Variants in SEC11C observed in about 807,000 individuals in gnomAD.
SEC11C encodes the protein SEC11 homolog C, signal peptidase complex subunit, also known as signal peptidase complex catalytic subunit SEC11C.
SEC11C carries 10 observed loss-of-function variants against 21.9 expected under a neutral mutation model. That is an observed-to-expected ratio of 0.46 (90% CI 0.28 to 0.77). The LOEUF (loss-of-function observed/expected upper bound fraction) is 0.77. Ranked by LOEUF, SEC11C falls within the 30% of genes least tolerant of loss-of-function variation. SEC11C has a pLI of 0.12. For missense variants in SEC11C, 145 were observed against 244.5 expected (o/e 0.59, Z 2.71); for synonymous variants, 83 against 85.6 (o/e 0.97, Z 0.17).
Position 59,155,768 on chromosome 18 carries a change from A to T in SEC11C, c.428A>T (p.Asn143Ile). Reference protein sequence around the residue: ...DDRGLYKEGQNWLEKKDVVGR... With the variant: ...DDRGLYKEGQIWLEKKDVVGR... ...AGAGGCTTGTACAAAGAAGGCCAGAACTGGCTGGAAAAGAAGGACGTGGTG... is the reference window on the plus strand; with the variant it reads ...AGAGGCTTGTACAAAGAAGGCCAGATCTGGCTGGAAAAGAAGGACGTGGTG... The change falls in exon 4 of 6, where the codon AAC becomes ATC. Residue 143 changes from asparagine (N) to isoleucine (I), a missense_variant. Transcript: ENST00000587834. The T allele has an allele frequency of 1.2e-6, 2 of 1,614,094 alleles. No homozygotes were observed. Among genetic ancestry groups the T allele is most frequent in the Non-Finnish European group, 1.7e-6 (2 of 1,179,968 alleles).
chr18:59,140,551 T>G (rs1203895640), intron 1 of SEC11C, among the ~76,000 whole-genome samples: 1 of 152,158 alleles, frequency 6.6e-6, no homozygotes, highest in African/African-American at 2.4e-5. Flanking sequence ...TGACCGTGGG[T>G]CGGGACTAAA....
At chr18:59,153,529 C>T (rs902523962) in intron 3 of SEC11C, among the ~76,000 whole-genome samples, 1 of 152,010 alleles carries the variant, frequency 6.6e-6, no homozygotes, top group Non-Finnish European at 1.5e-5. Context: ...TTGTACATAT[C>T]TGGTATTAGA....
At chr18:59,146,039 T>C (rs1193924574) in intron 1 of SEC11C, among the ~76,000 whole-genome samples, 3 of 152,206 alleles carry the variant, frequency 2.0e-5, no homozygotes. Flanking sequence ...TGTCATGAAG[T>C]GGCGCATGAC....
intron 3 of SEC11C, 34 bp downstream of exon 3, chr18:59,152,719 T>C (rs776421739): frequency 1.3e-6 from 2 of 1,548,578 alleles, no homozygotes; most frequent in South Asian, 1.3e-5. Context: ...GGTTTTGTTA[T>C]GTAAATTTTT....
chr18:59,158,550 T>C, intron 5 of SEC11C, 82 bp from the exon 6 acceptor site: 1 of 1,073,202 alleles, frequency 9.3e-7, no homozygotes, highest in Non-Finnish European at 1.4e-6. Flanking sequence ...GCGCAGTATT[T>C]AACGGACTTC....
chr18:59,148,128 C>G (rs2069299791), intron 1 of SEC11C: 1 of 152,286 alleles, frequency 6.6e-6, no homozygotes. Flanking sequence ...GGATGGGGGC[C>G]CAGGAATTGA....
At chr18:59,149,283 TCA>T (rs2069318405) in intron 1 of SEC11C, among the ~76,000 whole-genome samples, 1 of 152,194 alleles carries the variant, frequency 6.6e-6, no homozygotes, top group Admixed American at 6.5e-5. Flanking sequence ...AAGACAAACC[TCA>T]CAGATTGCTC....
chr18:59,155,909 TATCAGGAG>T, intron 4 of SEC11C, 102 bp downstream of exon 4: 1 of 1,353,730 alleles, frequency 7.4e-7, no homozygotes. Context: ...AAATATGACA[TATCAGGAG>T]AGTTTTAAGC....
chr18:59,149,528 T>C lies in SEC11C; in HGVS notation c.103T>C (p.Leu35=). The change falls in exon 2 of 6, where the codon TTA becomes CTA. Residue 35 remains leucine, a synonymous_variant. Transcript: ENST00000587834. ...MNKRQLYYQV[L]NFAMIVSSAL... ...TTCATTCCAGCTCTATTACCAGGTTTTAAACTTCGCCATGATCGTGTCTTC... is the reference window on the plus strand; with the variant it reads ...TTCATTCCAGCTCTATTACCAGGTTCTAAACTTCGCCATGATCGTGTCTTC... 1 of 1,609,800 alleles carries C rather than the reference T, an allele frequency of 6.2e-7. No homozygotes were observed. Among genetic ancestry groups the C allele is most frequent in the Non-Finnish European group, 8.5e-7 (1 of 1,176,456 alleles).
intron 1 of SEC11C, among the ~76,000 whole-genome samples, chr18:59,144,955 C>T (rs1356694259): frequency 6.8e-6 from 1 of 147,378 alleles, no homozygotes; most frequent in Non-Finnish European, 1.5e-5. Context: ...TATTTTATCA[C>T]TATTTATTCA....
Position 59,155,768 on chromosome 18 carries a change from A to G in SEC11C, c.428A>G (p.Asn143Ser). ...AGAGGCTTGTACAAAGAAGGCCAGA[A>G]CTGGCTGGAAAAGAAGGACGTGGTG... ...DDRGLYKEGQ[N>S]WLEKKDVVGR... is the part of the protein sequence containing the mutation. Residue 143 changes from asparagine (N) to serine (S), a missense_variant, in exon 4 of 6, where the codon AAC becomes AGC. Asn to Ser is a conservative substitution (Grantham distance 46, BLOSUM62 1). Coordinates refer to ENST00000587834, the MANE Select transcript of SEC11C (RefSeq NM_033280.4). 6.2e-7 allele frequency: 1 copy of G among 1,614,094 alleles called. No individual in the cohort carries two copies. Among genetic ancestry groups the G allele is most frequent in the Non-Finnish European group, 8.5e-7 (1 of 1,179,968 alleles).
At chr18:59,152,708 T>C (rs374735527) in intron 3 of SEC11C, 23 bp downstream of exon 3, 13 of 1,567,484 alleles carry the variant, frequency 8.3e-6, no homozygotes, top group East Asian at 4.5e-5. Flanking sequence ...TATTTCCTTT[T>C]GGTTTTGTTA....
chr18:59,140,125 G>A (rs2069192348), intron 1 of SEC11C, 90 bp downstream of exon 1: 1 of 1,227,886 alleles, frequency 8.1e-7, no homozygotes, highest in Non-Finnish European at 1.1e-6. Flanking sequence ...CCGGCTCCCA[G>A]TGAATGCGGC....
chr18:59,158,649 A>G lies in SEC11C; in HGVS notation c.543A>G (p.Val181=), dbSNP rs750439010. The change falls in exon 6 of 6, where the codon GTA becomes GTG. Residue 181 remains valine (V), a synonymous_variant. Coordinates refer to ENST00000587834, the MANE Select transcript of SEC11C (RefSeq NM_033280.4). ...CTTTCCAGTATGCTCTTTTGGCTGTAATGGGTGCATATGTGTTACTAAAAC... is the reference window on the plus strand; with the variant it reads ...CTTTCCAGTATGCTCTTTTGGCTGTGATGGGTGCATATGTGTTACTAAAAC... ...YPKFKYALLA[V]MGAYVLLKRE... is the part of the protein sequence containing the mutation. 1 of 1,613,970 alleles carries G rather than the reference A, an allele frequency of 6.2e-7. No individual in the cohort carries two copies. Among genetic ancestry groups the G allele is most frequent in the South Asian group, 1.1e-5 (1 of 91,082 alleles).
Position 59,149,720 on chromosome 18 carries a change from G to A in SEC11C, c.197+98G>A, listed in dbSNP as rs531852568. ...GCCTTAAGTGAAAACCTGCGTGACA[G>A]CTAAAATTCAAGATTTTAATTGGAT... On this transcript the variant is annotated intron_variant, in intron 2 of 5. Transcript: ENST00000587834. 1.7e-4 allele frequency: 97 copies of A among 582,938 alleles called. 1 individual carries two copies. In the East Asian group the frequency reaches 2.6e-3, roughly 16 times the overall value. The allele number at this position is 582,938 out of a possible 1,614,324, so 36.1% of individuals were successfully genotyped here.
chr18:59,140,059 C>A, intron 1 of SEC11C, 24 bp downstream of exon 1: 1 of 1,552,158 alleles, frequency 6.4e-7, no homozygotes, highest in Non-Finnish European at 8.8e-7. Flanking sequence ...GTGGTGAGCG[C>A]GCCGTGGCCG....
intron 2 of SEC11C, 92 bp from the exon 3 acceptor site, chr18:59,152,444 A>G: frequency 7.3e-7 from 1 of 1,376,686 alleles, no homozygotes; most frequent in East Asian, 2.4e-5. Context: ...CCTGAGACCT[A>G]CTTGACTATT....
intron 1 of SEC11C, among the ~76,000 whole-genome samples, 169 bp downstream of exon 1, chr18:59,140,204 G>A (rs1165495829): frequency 1.3e-5 from 2 of 152,262 alleles, no homozygotes; most frequent in African/African-American, 4.8e-5. Context: ...TGTGGGCATG[G>A]GTGTGCACTT....
chr18:59,155,894 A>G (rs187272563), intron 4 of SEC11C, 87 bp downstream of exon 4: 3 of 1,450,394 alleles, frequency 2.1e-6, no homozygotes, highest in Admixed American at 1.9e-5. Flanking sequence ...TGAGTCGTTA[A>G]TTACAAATAT....
Sources: gnomAD v4.1 joint callset for allele counts (sites outside exome capture counted in the v4.1 genomes callset) on GRCh38, gnomAD v4.1.1 for gene constraint, MANE v1.5 for transcripts, NCBI Gene and HGNC (gene_info 2026-07-23, HGNC 2026-07-21) for gene names.